LPIN1: variants seen among roughly 807,000 people sequenced by gnomAD.
LPIN1 encodes the protein lipin 1.
Under a neutral mutation model 107.5 loss-of-function variants are expected in LPIN1, and 71 were observed. That is an observed-to-expected ratio of 0.66 (90% confidence interval 0.55 to 0.80). The LOEUF (loss-of-function observed/expected upper bound fraction) is 0.80, where lower values mean the gene tolerates loss of function less well. Among genes scored for constraint, LPIN1 ranks in the 30% least tolerant of loss-of-function variants. LPIN1 has a pLI of 0.00. For missense variants in LPIN1, 1,043 were observed against 1,160.6 expected (o/e 0.90, Z 1.47); for synonymous variants, 445 against 452.6 (o/e 0.98, Z 0.21).
At chr2:11,689,988 C>A (rs1050430790) in intron 1 of LPIN1, among the ~76,000 whole-genome samples, 1 of 152,220 alleles carries the variant, frequency 6.6e-6, no homozygotes, top group Admixed American at 6.5e-5. Flanking sequence ...TATACTCCTG[C>A]CAAACAGGGC....
At chr2:11,805,220 A>AT in intron 17 of LPIN1, 64 bp downstream of exon 17, 1 of 1,261,246 alleles carries the variant, frequency 7.9e-7, no homozygotes, top group South Asian at 1.2e-5. Flanking sequence ...CACTCTGCAT[A>AT]TGGAATCTTT....
At chr2:11,812,734 C>T (rs908389136) in intron 17 of LPIN1, among the ~76,000 whole-genome samples, 3 of 152,064 alleles carry the variant, frequency 2.0e-5, no homozygotes, top group African/African-American at 7.2e-5. Context: ...AGGGTTTGGA[C>T]GACGTCTGTG....
At chr2:11,732,893 T>TCC in intron 1 of LPIN1, among the ~76,000 whole-genome samples, 1 of 149,236 alleles carries the variant, frequency 6.7e-6, no homozygotes, top group Admixed American at 6.7e-5. Flanking sequence ...CTCTCTCTCT[T>TCC]TCTCTCTCTC....
chr2:11,766,657 T>C (rs1670942852), intron 2 of LPIN1, among the ~76,000 whole-genome samples: 1 of 152,178 alleles, frequency 6.6e-6, no homozygotes. Flanking sequence ...GGGTGGAGTT[T>C]TCTGGTGTCT....
At chr2:11,747,418 T>A (rs1372767244) in intron 1 of LPIN1, among the ~76,000 whole-genome samples, 2 of 152,252 alleles carry the variant, frequency 1.3e-5, no homozygotes, top group Non-Finnish European at 2.9e-5. Context: ...GTAGGTAATT[T>A]GTGTGGTCAG....
Position 11,819,609 on chromosome 2 carries a change from G to C in LPIN1, c.2517+11G>C, listed in dbSNP as rs1048583670. 6.3e-7 allele frequency: 1 copy of C among 1,591,982 alleles called. No homozygotes were observed. The highest frequency in any genetic ancestry group is 1.3e-5 in the African/African-American group (1 of 74,480). On this transcript the variant is annotated intron_variant, in intron 19 of 20. Transcript: ENST00000674199. ...GGAAACCGACCAGCTGTAAGTAGTAGATTGGGTATAGAAGAACCCTTGAAA... is the reference window on the plus strand; with the variant it reads ...GGAAACCGACCAGCTGTAAGTAGTACATTGGGTATAGAAGAACCCTTGAAA...
rs748244435 is a variant in LPIN1, at chr2:11,782,324, C to G, written c.1081C>G (p.Leu361Val). 2 of 1,614,118 alleles carry G rather than the reference C, an allele frequency of 1.2e-6. No homozygotes were observed. The highest frequency in any genetic ancestry group is 1.3e-5 in the African/African-American group (1 of 74,944). Residue 361 changes from leucine to valine, a missense_variant, in exon 8 of 21, where the codon CTG becomes GTG. By Grantham distance (32) the Leu-to-Val change is conservative. Transcript: ENST00000674199. ...CACTTTTAGTGACCAATCGCCAACT[C>G]TGGTCGGTGGGGCACTTTTGGACCA... ...SDTFSDQSPT[L>V]VGGALLDQNK... is the part of the protein sequence containing the mutation.
At position 11,774,806 on chromosome 2, in the gene LPIN1, C is replaced by T. The variant is rs1329007008; in HGVS notation, c.722+1061C>T. Among the ~76,000 whole-genome samples, 1 of 152,236 alleles carries T rather than the reference C, an allele frequency of 6.6e-6. No individual in the cohort carries two copies. Among genetic ancestry groups the T allele is most frequent in the East Asian group, 1.9e-4 (1 of 5,174 alleles). On this transcript the variant is annotated intron_variant, in intron 5 of 20. Transcript: ENST00000674199. This position sits in a 1 kb window ranked among gnomAD's most constrained non-coding sequence, Gnocchi z 4.4. ...TCCCATGCCTGGTTTCCAGCCAATA[C>T]TGATGTCGCGGGTTAGTCCAGCAGG...
Position 11,795,424 on chromosome 2 carries a change from A to C in LPIN1, c.1823A>C (p.Gln608Pro), listed in dbSNP as rs1382644068. 6.2e-7 allele frequency: 1 copy of C among 1,613,838 alleles called. No homozygotes were observed. Among genetic ancestry groups the C allele is most frequent in the Non-Finnish European group, 8.5e-7 (1 of 1,179,912 alleles). Reference protein sequence around the residue: ...TTIKEESKPEQCLAGKAHSTG... With the variant: ...TTIKEESKPEPCLAGKAHSTG... The stretch of plus-strand genomic sequence containing the variant: ...CTTTTCTAGGAAAGTAAGCCAGAGC[A>C]GTGCTTGGCTGGCAAGGCCCATAGC... Residue 608 changes from glutamine (Q) to proline (P), a missense_variant, in exon 14 of 21, where the codon CAG (glutamine) becomes CCG (proline). Transcript: ENST00000674199.
chr2:11,696,981 C>T (rs1347055215), intron 1 of LPIN1, among the ~76,000 whole-genome samples: 1 of 152,246 alleles, frequency 6.6e-6, no homozygotes, highest in Non-Finnish European at 1.5e-5. Flanking sequence ...TCAGCAGCAT[C>T]TGTGGTGTGG....
rs200328509 is a variant in LPIN1 at position 11,687,487 on chromosome 2, G to C, written c.81+9759G>C. Among the ~76,000 whole-genome samples, 4 of 151,788 alleles carry C rather than the reference G, an allele frequency of 2.6e-5. No individual in the cohort carries two copies. The East Asian group carries it at 7.7e-4, about 29-fold the overall frequency. ...CCTATAGCATGGACAGCAAGGCAGG[G>C]ACAGGGGGCTTTGTCTCTGAACTTG... On this transcript the variant is annotated intron_variant, in intron 1 of 21. Transcript: ENST00000449576.
In LPIN1 at chr2:11,807,284, C is replaced by T. The variant is rs550107183; in HGVS notation, c.2249+2128C>T. On this transcript the variant is annotated intron_variant, in intron 17 of 20. Coordinates refer to ENST00000674199, the MANE Select transcript of LPIN1 (RefSeq NM_001349206.2). ...GCTGTAGGTGGCGTATGTGCAGCGT[C>T]GCCTCCCCACAGCCTCACCACGGGC... is the stretch of plus-strand genomic sequence containing the variant. Among the ~76,000 whole-genome samples the T allele has an allele frequency of 7.2e-5, 11 of 152,244 alleles. 1 individual carries two copies. In the South Asian group the frequency reaches 1.7e-3, roughly 23 times the overall value.
chr2:11,779,464 A>T, intron 6 of LPIN1, 55 bp from the exon 7 acceptor site: 1 of 1,601,786 alleles, frequency 6.2e-7, no homozygotes. Flanking sequence ...TGGGCCCAAA[A>T]CATTTACAAA....
intron 1 of LPIN1, among the ~76,000 whole-genome samples, chr2:11,684,536 G>A (rs1661896976): frequency 6.6e-6 from 1 of 152,180 alleles, no homozygotes; most frequent in African/African-American, 2.4e-5. Context: ...TTGGCATGGA[G>A]TATTGGTGCC....
At chr2:11,783,949 C>A (rs371269342) in intron 9 of LPIN1, 27 bp downstream of exon 9, 57 of 1,613,410 alleles carry the variant, frequency 3.5e-5, no homozygotes, top group Non-Finnish European at 4.7e-5. Flanking sequence ...TTCCTCACAT[C>A]ATTTCCTATA....
Position 11,815,191 on chromosome 2 carries a change from C to G in LPIN1, c.2353C>G (p.Gln785Glu), listed in dbSNP as rs1680361669. The G allele has an allele frequency of 6.2e-7, 1 of 1,614,092 alleles. No homozygotes were observed. Among genetic ancestry groups the G allele is most frequent in the Admixed American group, 1.7e-5 (1 of 60,012 alleles). The change falls in exon 18 of 21, where the codon CAG (glutamine) becomes GAG (glutamate). Residue 785 changes from glutamine to glutamate, a missense_variant. Transcript: ENST00000674199. The part of the protein sequence containing the change: ...WVNERGTVLP[Q>E]GPLLLSPSSL... Reference sequence around the variant, plus strand: ...CAACGAGAGGGGCACGGTGCTGCCCCAGGGGCCCCTGCTGCTGAGTCCCAG... The same window carrying G: ...CAACGAGAGGGGCACGGTGCTGCCCGAGGGGCCCCTGCTGCTGAGTCCCAG...
At chr2:11,751,512 C>A (rs1465157160) in intron 1 of LPIN1, among the ~76,000 whole-genome samples, 1 of 152,172 alleles carries the variant, frequency 6.6e-6, no homozygotes, top group African/African-American at 2.4e-5. Context: ...GTATCTCATT[C>A]CAGAATTTTT....
In LPIN1 at chr2:11,819,256, C is replaced by T. The variant is rs2716610; in HGVS notation, c.2403-228C>T. On this transcript the variant is annotated intron_variant, in intron 18 of 20. Coordinates refer to ENST00000674199, the MANE Select transcript of LPIN1 (RefSeq NM_001349206.2). ...TTGTTCCCTGGATGACCAGGATAAC[C>T]CTTGGTGAAATGGCTCATCCTTGGT... 103,242 of 532,774 alleles carry T rather than the reference C, an allele frequency of 0.19. 14,232 individuals carry two copies. Among genetic ancestry groups the T allele is most frequent in the African/African-American group, 0.54 (28,041 of 52,134 alleles). 33.0% of individuals were successfully genotyped at this position (532,774 alleles called of 1,614,324 possible). A position where few individuals can be genotyped will look rare whatever the true frequency, so the allele number is the denominator to read the frequency against.
chr2:11,737,188 A>G (rs6755991), intron 1 of LPIN1, among the ~76,000 whole-genome samples: 9,195 of 152,276 alleles, frequency 0.06, 964 homozygotes, highest in African/African-American at 0.21. Flanking sequence ...CATATGCAGA[A>G]AACTGAAACT....
Sources: allele counts gnomAD v4.1 joint callset (sites outside exome capture counted in the v4.1 genomes callset), GRCh38; gene constraint gnomAD v4.1.1; non-coding constraint Gnocchi (gnomAD v3.1); transcripts MANE v1.5; gene names NCBI Gene and HGNC (gene_info 2026-07-23, HGNC 2026-07-21).